Variants in DCC observed in about 807,000 individuals in gnomAD.
The protein encoded by DCC is netrin receptor DCC.
A neutral mutation model predicts 172.5 loss-of-function variants in DCC; 58 were observed. That is an observed-to-expected ratio of 0.34 (90% confidence interval 0.27 to 0.42). DCC has a LOEUF of 0.42. Ranked by LOEUF, DCC falls within the 10% of genes least tolerant of loss-of-function variation. The pLI is 1.00. For synonymous variants in DCC, 709 were observed against 644.5 expected, an observed-to-expected ratio of 1.10 and a Z score of -1.52; for missense variants, 1,740 against 1,791.0, an observed-to-expected ratio of 0.97 and a Z score of 0.51.
intron 2 of DCC, chr18:52,892,423 A>T (rs1455975163): frequency 6.6e-6 from 1 of 152,096 alleles, no homozygotes; most frequent in African/African-American, 2.4e-5. Flanking sequence ...GTGTCATGTG[A>T]TATAACTGGA....
At chr18:53,097,313 A>T (rs561925332) in intron 7 of DCC, among the ~76,000 whole-genome samples, 1 of 152,276 alleles carries the variant, frequency 6.6e-6, no homozygotes, top group South Asian at 2.1e-4. Flanking sequence ...TTGCCCTTCT[A>T]TGTCTGGGAC....
intron 12 of DCC, among the ~76,000 whole-genome samples, chr18:53,271,097 T>A (rs992718269): frequency 6.6e-6 from 1 of 152,182 alleles, no homozygotes; most frequent in Non-Finnish European, 1.5e-5. Flanking sequence ...CACTGTGCTA[T>A]GCTACAAGGG....
rs543586133 is a variant in DCC at position 52,674,066 on chromosome 18, A to T, written c.92-77988A>T. On this transcript the variant is annotated intron_variant, in intron 1 of 28. Transcript: ENST00000442544. Reference sequence around the variant, plus strand: ...AGCCTTGCTTGTTTCACACTTGGTGATATATTATACCATTGACCAAAGGAA... The same window carrying T: ...AGCCTTGCTTGTTTCACACTTGGTGTTATATTATACCATTGACCAAAGGAA... Among the ~76,000 whole-genome samples, 24 of 152,290 alleles carry T rather than the reference A, an allele frequency of 1.6e-4. No homozygotes were observed. In the South Asian group the frequency reaches 5.0e-3, roughly 32 times the overall value.
At chr18:52,693,185 C>G (rs2035957636) in intron 1 of DCC, among the ~76,000 whole-genome samples, 1 of 2,594 alleles carries the variant, frequency 3.9e-4, no homozygotes, top group South Asian at 0.12. Flanking sequence ...TTAGTGTGAG[C>G]TTTTATCAGT....
intron 1 of DCC, among the ~76,000 whole-genome samples, chr18:52,750,515 A>G (rs1297319863): frequency 6.6e-6 from 1 of 152,220 alleles, no homozygotes; most frequent in Admixed American, 6.5e-5. Flanking sequence ...AAAGTTCCAG[A>G]TGCTTTCTGA....
intron 2 of DCC, among the ~76,000 whole-genome samples, chr18:52,767,795 C>A (rs2037278244): frequency 6.6e-6 from 1 of 152,096 alleles, no homozygotes; most frequent in Admixed American, 6.6e-5. Flanking sequence ...ATTTATGTTG[C>A]CTGTGTAGTT....
At chr18:52,751,866 T>C (rs2036999611) in intron 1 of DCC, among the ~76,000 whole-genome samples, 188 bp from the exon 2 acceptor site, 1 of 151,978 alleles carries the variant, frequency 6.6e-6, no homozygotes, top group African/African-American at 2.4e-5. Context: ...TTCTTAATTA[T>C]GATTACCTCG....
chr18:53,054,265 CAG>C (rs35858688), intron 5 of DCC, among the ~76,000 whole-genome samples: 2,686 of 151,984 alleles, frequency 0.018, 41 homozygotes, highest in Non-Finnish European at 0.027. Flanking sequence ...GTAGAACCCA[CAG>C]ATATATATGA....
chr18:52,982,170 C>G (rs147026713), intron 5 of DCC, among the ~76,000 whole-genome samples: 2 of 152,054 alleles, frequency 1.3e-5, no homozygotes, highest in African/African-American at 4.8e-5. Context: ...ATTAAATTTA[C>G]AGAGGGAGGA....
chr18:52,912,626 A>G (rs1249194832), intron 3 of DCC, among the ~76,000 whole-genome samples: 2 of 152,062 alleles, frequency 1.3e-5, no homozygotes, highest in African/African-American at 4.8e-5. Flanking sequence ...ATGATATGGT[A>G]TAAGAGGAAC....
At chr18:52,977,752 G>A (rs984591385) in intron 5 of DCC, among the ~76,000 whole-genome samples, 1 of 151,878 alleles carries the variant, frequency 6.6e-6, no homozygotes, top group African/African-American at 2.4e-5. Flanking sequence ...GGACGTGGTG[G>A]CAGGCACCTG....
chr18:53,457,802 A>C (rs2045501826), intron 23 of DCC, among the ~76,000 whole-genome samples: 1 of 152,192 alleles, frequency 6.6e-6, no homozygotes, highest in Non-Finnish European at 1.5e-5. Context: ...AAATCAGCAA[A>C]GTGCAGGTAG....
chr18:52,831,092 C>T (rs950934418), intron 2 of DCC, among the ~76,000 whole-genome samples: 9 of 151,994 alleles, frequency 5.9e-5, no homozygotes, highest in African/African-American at 1.9e-4. Context: ...AGAAAGTTAT[C>T]CACGGAGATT....
intron 2 of DCC, among the ~76,000 whole-genome samples, chr18:52,864,925 G>A (rs377196962): frequency 4.6e-5 from 7 of 151,868 alleles, no homozygotes; most frequent in East Asian, 1.9e-4. Flanking sequence ...GAGTGCAGTG[G>A]CATGATCTTG....
At position 52,382,230 on chromosome 18, in the gene DCC, A is replaced by G. The variant is rs150663509; in HGVS notation, c.91+41352A>G. 3.2e-3 allele frequency among the ~76,000 whole-genome samples: 485 copies of G among 152,292 alleles called. 7 individuals carry two copies. The highest frequency in any genetic ancestry group is 0.011 in the African/African-American group (459 of 41,578). On this transcript the variant is annotated intron_variant, in intron 1 of 28. Coordinates refer to ENST00000442544, the MANE Select transcript of DCC (RefSeq NM_005215.4). Reference sequence around the variant, plus strand: ...CAGTCATTAGAGGAAACAGACAAATAAAATCACAATAATTTACGTGCTATA... The same window carrying G: ...CAGTCATTAGAGGAAACAGACAAATGAAATCACAATAATTTACGTGCTATA...
intron 15 of DCC, among the ~76,000 whole-genome samples, chr18:53,354,236 T>C (rs1215459628): frequency 1.3e-5 from 2 of 152,250 alleles, no homozygotes; most frequent in Non-Finnish European, 2.9e-5. Context: ...TGTGCATGTG[T>C]CTTTATAGCA....
chr18:52,551,335 A>G (rs1429429566), intron 1 of DCC, among the ~76,000 whole-genome samples: 5 of 152,044 alleles, frequency 3.3e-5, no homozygotes, highest in Non-Finnish European at 7.4e-5. Flanking sequence ...AATAGTGGCA[A>G]TGAACTTCAA....
intron 2 of DCC, among the ~76,000 whole-genome samples, chr18:52,804,704 C>T (rs2038056015): frequency 6.6e-6 from 1 of 152,126 alleles, no homozygotes; most frequent in South Asian, 2.1e-4. Context: ...TTCTCTCAGC[C>T]TCCTGAGTTG....
At chr18:52,505,765 A>G (rs954264371) in intron 1 of DCC, among the ~76,000 whole-genome samples, 13 of 151,972 alleles carry the variant, frequency 8.6e-5, no homozygotes, top group African/African-American at 3.1e-4. Context: ...TTGAAAATTA[A>G]AATTGTAAAA....
Sources: gnomAD v4.1 joint callset for allele counts (sites outside exome capture counted in the v4.1 genomes callset) on GRCh38, gnomAD v4.1.1 for gene constraint, MANE v1.5 for transcripts, NCBI Gene and HGNC (gene_info 2026-07-23, HGNC 2026-07-21) for gene names.